The following ASTN2 variants were observed in gnomAD, a reference collection of about 807,000 sequenced individuals.
The protein encoded by ASTN2 is astrotactin-2.
Under a neutral mutation model 139.8 loss-of-function variants are expected in ASTN2, and 54 were observed. The ratio of observed to expected loss-of-function variants is 0.39; its 90% CI spans 0.31 to 0.48. The LOEUF is 0.48. Ranked by LOEUF, ASTN2 falls within the 20% of genes least tolerant of loss-of-function variation. ASTN2 has a pLI of 0.95. For synonymous variants in ASTN2, 756 were observed against 719.5 expected (o/e 1.05, Z -0.81); for missense variants, 1,565 against 1,725.1 (o/e 0.91, Z 1.64).
chr9:116,819,942 A>G (rs376163165), intron 12 of ASTN2, among the ~76,000 whole-genome samples: 106 of 152,324 alleles, frequency 7.0e-4, no homozygotes, highest in African/African-American at 2.4e-3. Flanking sequence ...ACAGATGGTC[A>G]AACTGTGGCC....
chr9:117,265,764 C>T (rs1365903398), intron 2 of ASTN2, among the ~76,000 whole-genome samples: 1 of 151,172 alleles, frequency 6.6e-6, no homozygotes, highest in Non-Finnish European at 1.5e-5. Context: ...AGTCACATCA[C>T]TACACAATGG....
intron 16 of ASTN2, among the ~76,000 whole-genome samples, chr9:116,688,353 T>C (rs140762965): frequency 4.1e-3 from 631 of 152,198 alleles, no homozygotes; most frequent in Non-Finnish European, 6.7e-3. Flanking sequence ...GATTTGTGGA[T>C]TGGTGTCTTG....
intron 13 of ASTN2, among the ~76,000 whole-genome samples, chr9:116,782,780 T>C (rs978007643): frequency 6.6e-6 from 1 of 150,914 alleles, no homozygotes; most frequent in African/African-American, 2.5e-5. Flanking sequence ...TTCCCTCTTT[T>C]TCTTCACCTA....
At chr9:117,232,053 C>T (rs189206916) in intron 2 of ASTN2, among the ~76,000 whole-genome samples, 130 of 152,216 alleles carry the variant, frequency 8.5e-4, no homozygotes, top group Middle Eastern at 3.4e-3. Flanking sequence ...ACCCTGCCAC[C>T]TCCATGGGGC....
At chr9:116,799,804 A>G (rs1275621687) in intron 13 of ASTN2, among the ~76,000 whole-genome samples, 2 of 152,022 alleles carry the variant, frequency 1.3e-5, no homozygotes, top group Non-Finnish European at 2.9e-5. Flanking sequence ...TCCCACACTG[A>G]TCAAGAGCAA....
chr9:116,500,633 C>T (rs1849823012), intron 19 of ASTN2, among the ~76,000 whole-genome samples: 1 of 152,132 alleles, frequency 6.6e-6, no homozygotes, highest in Non-Finnish European at 1.5e-5. Flanking sequence ...TGTGCTCAGC[C>T]CTGGGTTTGA....
chr9:117,264,954 C>T (rs576881145), intron 2 of ASTN2, among the ~76,000 whole-genome samples: 1 of 152,286 alleles, frequency 6.6e-6, no homozygotes, highest in East Asian at 1.9e-4. Context: ...GAGATGTTTT[C>T]CTCCTATAAG....
chr9:116,570,433 G>A (rs1853453764), intron 19 of ASTN2, among the ~76,000 whole-genome samples: 1 of 151,560 alleles, frequency 6.6e-6, no homozygotes, highest in African/African-American at 2.4e-5. Flanking sequence ...CGGTCGCCCC[G>A]GCTCCAGGCT....
intron 7 of ASTN2, among the ~76,000 whole-genome samples, chr9:117,001,328 G>A (rs965269683): frequency 2.4e-4 from 37 of 152,116 alleles, no homozygotes; most frequent in African/African-American, 8.4e-4. Flanking sequence ...GGGCTTCAGG[G>A]TTTAGTTTTT....
chr9:116,892,785 C>T (rs1833795160), intron 10 of ASTN2, among the ~76,000 whole-genome samples: 1 of 152,106 alleles, frequency 6.6e-6, no homozygotes, highest in Admixed American at 6.5e-5. Context: ...TGCTCAGTGT[C>T]ATGGGATGAC....
intron 12 of ASTN2, among the ~76,000 whole-genome samples, chr9:116,810,981 A>G (rs995955220): frequency 2.0e-5 from 3 of 152,074 alleles, no homozygotes; most frequent in Non-Finnish European, 2.9e-5. Context: ...TATTGGTGTA[A>G]AGTTCTATGC....
intron 13 of ASTN2, among the ~76,000 whole-genome samples, chr9:116,785,419 G>T (rs1394200580): frequency 6.6e-6 from 1 of 152,150 alleles, no homozygotes; most frequent in African/African-American, 2.4e-5. Flanking sequence ...ATCACCATAA[G>T]AATATATATT....
chr9:116,680,165 G>C (rs1859760252), intron 16 of ASTN2, among the ~76,000 whole-genome samples: 1 of 151,966 alleles, frequency 6.6e-6, no homozygotes, highest in Admixed American at 6.6e-5. Flanking sequence ...GAATCAAATA[G>C]ACGCAATAAA....
Position 116,505,829 on chromosome 9 carries a change from C to T in ASTN2, c.3356-18329G>A, listed in dbSNP as rs956679242. Among the ~76,000 whole-genome samples the T allele has an allele frequency of 2.0e-5, 3 of 152,130 alleles. No individual in the cohort carries two copies. In the East Asian group the frequency reaches 5.8e-4, roughly 29 times the overall value. On this transcript the variant is annotated intron_variant, in intron 19 of 22. Coordinates refer to ENST00000313400, the MANE Select transcript of ASTN2 (RefSeq NM_001365068.1). ...GCCCTCCTTGGTGCTCCTGAGGATGCTCCAGGGGCTTTGCTATTGCTACAT... is the reference window on the plus strand; with the variant it reads ...GCCCTCCTTGGTGCTCCTGAGGATGTTCCAGGGGCTTTGCTATTGCTACAT...
rs368127711 is a variant in ASTN2, at chr9:116,618,483, T to C, written c.3207-11A>G. On this transcript the variant is annotated splice_polypyrimidine_tract_variant and intron_variant, in intron 18 of 22. Transcript: ENST00000313400. The stretch of plus-strand genomic sequence containing the variant: ...GGGGACAGCCGCAGCCTACAGGGAA[T>C]AAAAAGGAAGATTCGTGTTTGGCAG... 7 of 1,594,532 alleles carry C rather than the reference T, an allele frequency of 4.4e-6. No homozygotes were observed. The African/African-American group carries it at 6.8e-5, about 15-fold the overall frequency.
chr9:116,514,274 C>G (rs1453123036), intron 19 of ASTN2, among the ~76,000 whole-genome samples: 1 of 146,476 alleles, frequency 6.8e-6, no homozygotes, highest in Non-Finnish European at 1.5e-5. Context: ...CACTCCAGAC[C>G]CCGTTTGCCT....
chr9:117,404,439 T>C (rs1444597757), intron 1 of ASTN2, among the ~76,000 whole-genome samples: 1 of 152,194 alleles, frequency 6.6e-6, no homozygotes, highest in Non-Finnish European at 1.5e-5. Flanking sequence ...TTGTCTTCGC[T>C]ACATAGATGA....
intron 13 of ASTN2, among the ~76,000 whole-genome samples, chr9:116,797,007 T>C (rs1345544869): frequency 1.3e-5 from 2 of 151,218 alleles, no homozygotes; most frequent in Non-Finnish European, 2.9e-5. Flanking sequence ...TTTTTGTAGA[T>C]ATGTGATATC....
chr9:117,015,686 A>G lies in ASTN2; in HGVS notation c.1424-7427T>C, dbSNP rs192544870. Among the ~76,000 whole-genome samples, 486 of 152,332 alleles carry G rather than the reference A, an allele frequency of 3.2e-3. 1 individual carries two copies. Among genetic ancestry groups the G allele is most frequent in the South Asian group, 9.7e-3 (47 of 4,824 alleles). On this transcript the variant is annotated intron_variant, in intron 6 of 22. Coordinates refer to ENST00000313400, the MANE Select transcript of ASTN2 (RefSeq NM_001365068.1). ...CAGATGGAAATGACAAAGCGAAGAAAGAAGCTAAGAAAATGCTGAGATGTT... is the reference window on the plus strand; with the variant it reads ...CAGATGGAAATGACAAAGCGAAGAAGGAAGCTAAGAAAATGCTGAGATGTT...
Sources: allele counts gnomAD v4.1 joint callset (sites outside exome capture counted in the v4.1 genomes callset), GRCh38; gene constraint gnomAD v4.1.1; transcripts MANE v1.5; gene names NCBI Gene and HGNC (gene_info 2026-07-23, HGNC 2026-07-21).